Variants in PACSIN2 observed in about 807,000 individuals in gnomAD.
PACSIN2 encodes the protein protein kinase C and casein kinase substrate in neurons 2.
A neutral mutation model predicts 63.8 loss-of-function variants in PACSIN2; 25 were observed. The observed-to-expected ratio is 0.39, with a 90% CI of 0.29 to 0.55. The LOEUF (loss-of-function observed/expected upper bound fraction) is 0.55. Ranked by LOEUF, PACSIN2 falls within the 20% of genes least tolerant of loss-of-function variation. The pLI is 0.62. For missense variants in PACSIN2, 518 were observed against 646.9 expected, an observed-to-expected ratio of 0.80 and a Z score of 2.16; for synonymous variants, 255 against 256.2, an observed-to-expected ratio of 1.00 and a Z score of 0.05.
chr22:42,905,817 G>C (rs1280437686), intron 2 of PACSIN2, among the ~76,000 whole-genome samples: 1 of 152,186 alleles, frequency 6.6e-6, no homozygotes, highest in Non-Finnish European at 1.5e-5. Flanking sequence ...TGCTGGCCAG[G>C]GCTGGTCCCT....
chr22:42,917,521 G>C (rs147465600), intron 1 of PACSIN2, among the ~76,000 whole-genome samples: 1 of 152,002 alleles, frequency 6.6e-6, no homozygotes, highest in Non-Finnish European at 1.5e-5. Flanking sequence ...AGGCTGAGGC[G>C]AGAGGATTGC....
At chr22:42,950,872 T>C (rs71329167) in intron 1 of PACSIN2, among the ~76,000 whole-genome samples, 3,043 of 152,132 alleles carry the variant, frequency 0.02, 39 homozygotes, top group Non-Finnish European at 0.032. Flanking sequence ...CCCCTGTATA[T>C]ATTCCAGTAG....
intron 1 of PACSIN2, among the ~76,000 whole-genome samples, chr22:42,979,342 G>A (rs1451480405): frequency 6.6e-6 from 1 of 151,898 alleles, no homozygotes; most frequent in Non-Finnish European, 1.5e-5. Flanking sequence ...TGGTCAACAT[G>A]GTGAAACCCC....
intron 2 of PACSIN2, among the ~76,000 whole-genome samples, chr22:42,908,008 T>G (rs1053929864): frequency 2.6e-5 from 4 of 152,144 alleles, no homozygotes; most frequent in African/African-American, 9.6e-5. Context: ...CGGTAAATGT[T>G]GAGAGTCACG....
chr22:43,004,194 G>A lies in PACSIN2; in HGVS notation c.-78+10827C>T, dbSNP rs557150653. 1.8e-4 allele frequency among the ~76,000 whole-genome samples: 27 copies of A among 152,314 alleles called. No individual in the cohort carries two copies. The East Asian group carries it at 5.2e-3, about 29-fold the overall frequency. The stretch of plus-strand genomic sequence containing the variant: ...GCACCAGCTCTGATGGTGACCCTCT[G>A]AAGGCCACTGAATCTCTCTGAGCTT... On this transcript the variant is annotated intron_variant, in intron 1 of 10. Coordinates refer to ENST00000263246, the MANE Select transcript of PACSIN2 (RefSeq NM_001184970.3).
At chr22:42,995,710 A>ATTATAGG (rs1923348681) in intron 1 of PACSIN2, among the ~76,000 whole-genome samples, 1 of 152,238 alleles carries the variant, frequency 6.6e-6, no homozygotes, top group African/African-American at 2.4e-5. Context: ...TCCACCAGAC[A>ATTATAGG]GAGGCCTTAA....
intron 3 of PACSIN2, 76 bp downstream of exon 3, chr22:42,893,381 G>A: frequency 1.4e-6 from 2 of 1,436,854 alleles, no homozygotes; most frequent in Non-Finnish European, 1.9e-6. Context: ...GCATAGAGAG[G>A]GTCACAACGT....
chr22:42,960,097 G>T (rs1403052069), intron 1 of PACSIN2, among the ~76,000 whole-genome samples: 4 of 152,100 alleles, frequency 2.6e-5, no homozygotes, highest in African/African-American at 9.7e-5. Flanking sequence ...AGAGGTCTGA[G>T]AACAAAATTC....
At chr22:42,962,583 T>G (rs1310762429) in intron 1 of PACSIN2, among the ~76,000 whole-genome samples, 14 of 99,482 alleles carry the variant, frequency 1.4e-4, no homozygotes, top group African/African-American at 2.4e-4. Flanking sequence ...GGGTGGAGGG[T>G]GAGGTCTGGG....
intron 1 of PACSIN2, among the ~76,000 whole-genome samples, chr22:42,991,155 C>G (rs1237910478): frequency 6.6e-6 from 1 of 152,142 alleles, no homozygotes; most frequent in Admixed American, 6.5e-5. Context: ...TTTACCACCT[C>G]CTAGGAAGCT....
Position 43,010,233 on chromosome 22 carries a change from A to G in PACSIN2, c.-78+4788T>C, listed in dbSNP as rs567445948. Among the ~76,000 whole-genome samples, 332 of 151,280 alleles carry G rather than the reference A, an allele frequency of 2.2e-3. 1 individual carries two copies. Among genetic ancestry groups the G allele is most frequent in the Non-Finnish European group, 3.9e-3 (268 of 67,858 alleles). ...GTGCCTAAAATCAAGAAACACGCAA[A>G]TGATTTTTTTAGGATTGAAAATAGG... On this transcript the variant is annotated intron_variant, in intron 1 of 10. Coordinates refer to ENST00000263246, the MANE Select transcript of PACSIN2 (RefSeq NM_001184970.3).
At chr22:43,000,648 C>G (rs1411119214) in intron 1 of PACSIN2, among the ~76,000 whole-genome samples, 1 of 152,162 alleles carries the variant, frequency 6.6e-6, no homozygotes, top group Non-Finnish European at 1.5e-5. Flanking sequence ...CTTGTCTGAG[C>G]TATAAGGGGA....
chr22:42,959,556 A>C (rs1417503120), intron 1 of PACSIN2: 1 of 152,226 alleles, frequency 6.6e-6, no homozygotes, highest in Admixed American at 6.5e-5. Context: ...ATTCTCCAAG[A>C]AAATCAAACA....
chr22:42,876,126 AGC>A lies in PACSIN2; in HGVS notation c.1348+9_1348+10del. The A allele has an allele frequency of 6.3e-7, 1 of 1,599,790 alleles. No homozygotes were observed. The highest frequency in any genetic ancestry group is 8.6e-7 in the Non-Finnish European group (1 of 1,168,172). On this transcript the variant is annotated intron_variant, in intron 10 of 10. Transcript: ENST00000263246. ...GCCCTCCTCCCCTGGATGCTGGGGG[AGC>A]CCACCTACCAGCCTTGAAGCTCAGC...
intron 1 of PACSIN2, among the ~76,000 whole-genome samples, chr22:42,935,795 G>C (rs1406641185): frequency 1.3e-5 from 2 of 152,116 alleles, no homozygotes; most frequent in Admixed American, 1.3e-4. Flanking sequence ...ATGAGACCTG[G>C]AGAGCTCAGA....
intron 1 of PACSIN2, among the ~76,000 whole-genome samples, chr22:42,992,009 T>C (rs537542685): frequency 1.3e-4 from 20 of 152,284 alleles, no homozygotes; most frequent in African/African-American, 2.4e-4. Context: ...AAAGAACAAA[T>C]TGACTTCAGC....
chr22:43,009,721 T>C (rs769625380), intron 1 of PACSIN2, among the ~76,000 whole-genome samples: 9 of 152,178 alleles, frequency 5.9e-5, no homozygotes, highest in Non-Finnish European at 1.2e-4. Flanking sequence ...AATAATCATA[T>C]AAATTTTATC....
intron 1 of PACSIN2, among the ~76,000 whole-genome samples, chr22:43,001,548 G>A (rs1172061547): frequency 6.6e-6 from 1 of 152,246 alleles, no homozygotes; most frequent in African/African-American, 2.4e-5. Context: ...CAGAGCCAGT[G>A]CAGTCAGACG....
rs528411820 is a variant in PACSIN2, at chr22:42,962,306, C to T, written c.-77-50149G>A. ...ACAGGCTGCTCAATAAACATTTACA[C>T]AGCACTTACTTTATTTCTGGCTAAT... On this transcript the variant is annotated intron_variant, in intron 1 of 10. Coordinates refer to ENST00000263246, the MANE Select transcript of PACSIN2 (RefSeq NM_001184970.3). Among the ~76,000 whole-genome samples the T allele has an allele frequency of 2.0e-4, 30 of 152,196 alleles. No homozygotes were observed. In the South Asian group the frequency reaches 6.0e-3, roughly 30 times the overall value.
Sources: allele counts gnomAD v4.1 joint callset (sites outside exome capture counted in the v4.1 genomes callset), GRCh38; gene constraint gnomAD v4.1.1; transcripts MANE v1.5; gene names NCBI Gene and HGNC (gene_info 2026-07-23, HGNC 2026-07-21).